The following ANO3 variants were observed in gnomAD, a reference collection of about 807,000 sequenced individuals.
ANO3 encodes anoctamin 3.
In ANO3, 99 loss-of-function variants were observed where a neutral mutation model predicts 144.8. The ratio of observed to expected loss-of-function variants is 0.68; its 90% CI spans 0.58 to 0.81. The LOEUF (loss-of-function observed/expected upper bound fraction) is 0.81, where lower values mean the gene tolerates loss of function less well. Ranked by LOEUF, ANO3 falls within the 30% of genes least tolerant of loss-of-function variation. The probability of loss-of-function intolerance (pLI) is 0.00; values close to 1 mark genes in which losing one functional copy is unlikely to be tolerated. For missense variants in ANO3, 905 were observed against 1,202.2 expected (o/e 0.75, Z 3.66); for synonymous variants, 414 against 392.6 (o/e 1.05, Z -0.64).
chr11:26,635,132 A>C (rs1852910082), intron 20 of ANO3, 62 bp downstream of exon 20: 1 of 1,449,142 alleles, frequency 6.9e-7, no homozygotes, highest in Non-Finnish European at 9.7e-7. Flanking sequence ...TTACTGCGGG[A>C]GGAAGGGAGC....
chr11:26,267,178 A>G (rs1040970629), intron 1 of ANO3, among the ~76,000 whole-genome samples: 1 of 151,488 alleles, frequency 6.6e-6, no homozygotes, highest in African/African-American at 2.4e-5. Context: ...ACCTTCACGC[A>G]CGCACGCACA....
intron 1 of ANO3, among the ~76,000 whole-genome samples, chr11:26,242,333 C>T (rs1315231263): frequency 1.3e-5 from 2 of 152,158 alleles, no homozygotes; most frequent in Non-Finnish European, 2.9e-5. Flanking sequence ...ACTATTCCAT[C>T]CATATGAAAT....
Position 26,656,131 on chromosome 11 carries a change from G to T in ANO3, c.2583G>T (p.Leu861Phe). The change falls in exon 25 of 27, where the codon TTG (leucine) becomes TTT (phenylalanine). Residue 861 changes from leucine to phenylalanine, a missense_variant. Coordinates refer to ENST00000256737, the MANE Select transcript of ANO3 (RefSeq NM_031418.4). ...ANHVEPSENC[L>F]KGYVNNSLSF... ...TATTTTTCTTTTCTCCCAGTTGCTT[G>T]AAGGGATATGTCAACAATAGCCTAT... is the stretch of plus-strand genomic sequence containing the variant. 1.2e-6 allele frequency: 2 copies of T among 1,612,268 alleles called. No individual in the cohort carries two copies. Among genetic ancestry groups the T allele is most frequent in the Non-Finnish European group, 1.7e-6 (2 of 1,178,978 alleles).
At position 26,236,623 on chromosome 11, in the gene ANO3, C is replaced by T. The variant is rs1472025578; in HGVS notation, c.154+47293C>T. Among the ~76,000 whole-genome samples, 3 of 151,958 alleles carry T rather than the reference C, an allele frequency of 2.0e-5. No homozygotes were observed. The East Asian group carries it at 5.8e-4, about 29-fold the overall frequency. Reference sequence around the variant, plus strand: ...CACGAGGTCAGGAGACCAAGACCATCCTGGCTAACACAGTGAAACCCTGTC... The same window carrying T: ...CACGAGGTCAGGAGACCAAGACCATTCTGGCTAACACAGTGAAACCCTGTC... On this transcript the variant is annotated intron_variant, in intron 1 of 27. Coordinates refer to the ANO3 transcript ENST00000672621.
chr11:26,481,028 A>T (rs1007044272), intron 4 of ANO3, among the ~76,000 whole-genome samples: 20 of 152,102 alleles, frequency 1.3e-4, no homozygotes, highest in African/African-American at 4.8e-4. Flanking sequence ...ACACACCTCA[A>T]TGGGTATTTG....
intron 1 of ANO3, among the ~76,000 whole-genome samples, chr11:26,425,375 C>T (rs1369736647): frequency 6.6e-6 from 1 of 152,042 alleles, no homozygotes; most frequent in Non-Finnish European, 1.5e-5. Context: ...AAAGGGCTTG[C>T]ACTTCGGTAT....
intron 1 of ANO3, among the ~76,000 whole-genome samples, chr11:26,340,079 G>T (rs902212005): frequency 6.6e-6 from 1 of 152,168 alleles, no homozygotes; most frequent in Non-Finnish European, 1.5e-5. Context: ...GAAGTATTTT[G>T]CAAATGCATT....
intron 14 of ANO3, chr11:26,572,029 A>G (rs184235479): frequency 2.2e-5 from 21 of 952,286 alleles, no homozygotes; most frequent in South Asian, 4.8e-5. Flanking sequence ...AAGTGACCCA[A>G]CGCACACTTA....
chr11:26,473,456 C>A (rs1300589754), intron 4 of ANO3, among the ~76,000 whole-genome samples: 1 of 151,750 alleles, frequency 6.6e-6, no homozygotes, highest in Non-Finnish European at 1.5e-5. Context: ...TGAACACAGG[C>A]AGGATTTTTC....
chr11:26,455,706 G>T (rs1267190397), intron 3 of ANO3, among the ~76,000 whole-genome samples: 3 of 142,246 alleles, frequency 2.1e-5, no homozygotes, highest in Non-Finnish European at 3.1e-5. Flanking sequence ...TTTCTTCACA[G>T]AATTGGAAAA....
chr11:26,334,815 C>A (rs527703117), intron 1 of ANO3, among the ~76,000 whole-genome samples: 10 of 152,238 alleles, frequency 6.6e-5, no homozygotes, highest in Admixed American at 1.3e-4. Flanking sequence ...AGCTCAATGT[C>A]TCTTTTAAAA....
chr11:26,273,694 A>G (rs1853498192), intron 1 of ANO3, among the ~76,000 whole-genome samples: 1 of 151,502 alleles, frequency 6.6e-6, no homozygotes, highest in African/African-American at 2.4e-5. Context: ...GGGGGAAGGT[A>G]AAGGATTTCA....
chr11:26,366,880 C>T (rs1856104061), intron 1 of ANO3, among the ~76,000 whole-genome samples: 1 of 151,804 alleles, frequency 6.6e-6, no homozygotes, highest in South Asian at 2.1e-4. Context: ...GGATATTAGC[C>T]CTTTGTCAGA....
At chr11:26,565,567 C>G in intron 14 of ANO3, 1 of 1,613,202 alleles carries the variant, frequency 6.2e-7, no homozygotes. Context: ...TTTAGACTGC[C>G]CAAAGAATGC....
In ANO3 at chr11:26,598,404, T is replaced by C. The variant is rs1851700380; in HGVS notation, c.1487T>C (p.Ile496Thr). 1.9e-6 allele frequency: 3 copies of C among 1,589,756 alleles called. No individual in the cohort carries two copies. The highest frequency in any genetic ancestry group is 1.7e-4 in the Middle Eastern group (1 of 6,008). Residue 496 changes from isoleucine to threonine, a missense_variant, in exon 15 of 27, where the codon ATA (isoleucine) becomes ACA (threonine). Ile to Thr is a moderately conservative substitution (Grantham distance 89). Transcript: ENST00000256737. Reference protein sequence around the residue: ...FLEFWKRRRSILTYTWDLIEW... With the variant: ...FLEFWKRRRSTLTYTWDLIEW... ...GAGTTTTGGAAAAGGAGAAGGAGTA[T>C]ACTGACCTATACTTGGGACCTTATC...
At chr11:26,293,530 C>T (rs563595787) in intron 1 of ANO3, among the ~76,000 whole-genome samples, 3 of 62,434 alleles carry the variant, frequency 4.8e-5, no homozygotes, top group Non-Finnish European at 9.3e-5. Context: ...CTATAAATTC[C>T]ATGTATATAT....
intron 1 of ANO3, among the ~76,000 whole-genome samples, chr11:26,385,560 G>C (rs1856701847): frequency 6.6e-6 from 1 of 152,012 alleles, no homozygotes; most frequent in Non-Finnish European, 1.5e-5. Flanking sequence ...ACGCAGTGTA[G>C]CATCCTCAAA....
intron 1 of ANO3, among the ~76,000 whole-genome samples, chr11:26,300,204 G>GCA (rs940655231): frequency 4.0e-5 from 6 of 151,162 alleles, no homozygotes; most frequent in African/African-American, 1.5e-4. Flanking sequence ...AAGCACGCAC[G>GCA]CACACACACA....
chr11:26,441,110 T>TTTTTTG (rs1858495367), intron 1 of ANO3, among the ~76,000 whole-genome samples: 1 of 101,468 alleles, frequency 9.9e-6, no homozygotes, highest in East Asian at 2.6e-4. Context: ...TGCCCAGTTT[T>TTTTTTG]TTTTTTTTTT....
Sources: gnomAD v4.1 joint callset for allele counts (sites outside exome capture counted in the v4.1 genomes callset) on GRCh38, gnomAD v4.1.1 for gene constraint, MANE v1.5 for transcripts, NCBI Gene and HGNC (gene_info 2026-07-23, HGNC 2026-07-21) for gene names.